The following GPR158 variants were observed in gnomAD, a reference collection of about 807,000 sequenced individuals.
GPR158 encodes G protein-coupled receptor 158.
A neutral mutation model predicts 78.2 loss-of-function variants in GPR158; 30 were observed. The ratio of observed to expected loss-of-function variants is 0.38; its 90% CI spans 0.29 to 0.52. The LOEUF is 0.52. Among genes scored for constraint, GPR158 ranks in the 20% least tolerant of loss-of-function variants. GPR158 has a pLI of 0.83. For synonymous variants in GPR158, 581 were observed against 591.1 expected (o/e 0.98, Z 0.25); for missense variants, 1,463 against 1,523.5 (o/e 0.96, Z 0.66).
chr10:25,556,400 T>C (rs1414052), intron 6 of GPR158, among the ~76,000 whole-genome samples: 87,078 of 151,986 alleles, frequency 0.57, 26,986 homozygotes, highest in African/African-American at 0.82. Flanking sequence ...ATAAAGCATC[T>C]TTTGAACATG....
chr10:25,269,164 T>C (rs1036944287), intron 2 of GPR158, among the ~76,000 whole-genome samples: 7 of 152,222 alleles, frequency 4.6e-5, no homozygotes, highest in Non-Finnish European at 7.3e-5. Context: ...TAAATCGTAT[T>C]AATTAATTGA....
chr10:25,253,844 C>G (rs1003662333), intron 2 of GPR158, among the ~76,000 whole-genome samples: 2 of 152,136 alleles, frequency 1.3e-5, no homozygotes, highest in African/African-American at 4.8e-5. Flanking sequence ...ACAAAACCAG[C>G]AAACCAAATA....
intron 5 of GPR158, 43 bp from the exon 6 acceptor site, chr10:25,550,933 C>G: frequency 1.0e-6 from 1 of 967,870 alleles, no homozygotes; most frequent in Non-Finnish European, 1.7e-6. Context: ...GTCTGTGGGT[C>G]ATCAGTTGAT....
intron 7 of GPR158, among the ~76,000 whole-genome samples, chr10:25,581,728 A>C (rs1837202009): frequency 6.6e-6 from 1 of 152,202 alleles, no homozygotes; most frequent in Non-Finnish European, 1.5e-5. Flanking sequence ...ATCACTAGTC[A>C]AAGCTACCAG....
At chr10:25,302,158 G>A (rs1331424976) in intron 2 of GPR158, among the ~76,000 whole-genome samples, 1 of 96,314 alleles carries the variant, frequency 1.0e-5, no homozygotes, top group African/African-American at 9.1e-5. Flanking sequence ...TGCAAGCTCC[G>A]CCTCCCAGGT....
At chr10:25,193,027 T>G (rs1386012513) in intron 1 of GPR158, among the ~76,000 whole-genome samples, 1 of 152,132 alleles carries the variant, frequency 6.6e-6, no homozygotes, top group African/African-American at 2.4e-5. Flanking sequence ...CATTTTCAAT[T>G]TACGTATTTT....
chr10:25,200,643 A>G (rs1262932547), intron 1 of GPR158, among the ~76,000 whole-genome samples: 2 of 152,070 alleles, frequency 1.3e-5, no homozygotes, highest in Non-Finnish European at 2.9e-5. Context: ...AGGTTTTACA[A>G]GTCTTTACTG....
At chr10:25,293,577 G>A (rs1376756142) in intron 2 of GPR158, among the ~76,000 whole-genome samples, 1 of 152,118 alleles carries the variant, frequency 6.6e-6, no homozygotes, top group Non-Finnish European at 1.5e-5. Context: ...CCAGGTTTTT[G>A]TAGACCCAAT....
At chr10:25,547,585 C>G (rs1391933449) in intron 5 of GPR158, among the ~76,000 whole-genome samples, 2 of 152,100 alleles carry the variant, frequency 1.3e-5, no homozygotes, top group Non-Finnish European at 2.9e-5. Context: ...AGTAATTTCC[C>G]TTTCCTCTGA....
intron 7 of GPR158, among the ~76,000 whole-genome samples, chr10:25,580,643 A>G (rs1837178603): frequency 6.6e-6 from 1 of 152,216 alleles, no homozygotes; most frequent in African/African-American, 2.4e-5. Flanking sequence ...CTTTAGATTC[A>G]TTACATACAT....
At chr10:25,224,111 A>G (rs1853339732) in intron 2 of GPR158, among the ~76,000 whole-genome samples, 1 of 152,212 alleles carries the variant, frequency 6.6e-6, no homozygotes, top group South Asian at 2.1e-4. Context: ...CTAGGAGGCC[A>G]CTAAGCATTT....
At chr10:25,209,716 C>T (rs191090699) in intron 1 of GPR158, among the ~76,000 whole-genome samples, 1 of 152,328 alleles carries the variant, frequency 6.6e-6, no homozygotes, top group Non-Finnish European at 1.5e-5. Context: ...TTTGTTTACT[C>T]AGTGGCTTGT....
At chr10:25,241,169 CT>C (rs1564399329) in intron 2 of GPR158, among the ~76,000 whole-genome samples, 2 of 110,128 alleles carry the variant, frequency 1.8e-5, no homozygotes, top group African/African-American at 3.9e-5. Context: ...TTCTTTCTTT[CT>C]TTCTTTCTTT....
intron 4 of GPR158, among the ~76,000 whole-genome samples, chr10:25,425,717 C>A (rs1834811577): frequency 2.0e-5 from 3 of 151,584 alleles, no homozygotes; most frequent in Non-Finnish European, 2.9e-5. Context: ...ACAAACAATC[C>A]CATTTTATGG....
intron 2 of GPR158, among the ~76,000 whole-genome samples, chr10:25,272,385 A>T (rs1011261245): frequency 1.3e-5 from 2 of 152,100 alleles, no homozygotes; most frequent in Non-Finnish European, 2.9e-5. Flanking sequence ...TAATGTGCTC[A>T]CTTCTCTGGT....
rs1317877102 is a variant in GPR158, at chr10:25,175,340, T to G, written c.-81T>G. ...AGGGGGAAGACTCCTCGAAAAAGTC[T>G]GACTGTTGAGAAACTGACGATCCAA... On this transcript the variant is annotated 5_prime_UTR_variant, in exon 1 of 11. Coordinates refer to ENST00000376351, the MANE Select transcript of GPR158 (RefSeq NM_020752.3). This position sits in a 1 kb window ranked among gnomAD's most constrained non-coding sequence, Gnocchi z 6.4. The G allele has an allele frequency of 1.2e-6, 1 of 822,484 alleles. No homozygotes were observed. Among genetic ancestry groups the G allele is most frequent in the African/African-American group, 1.8e-5 (1 of 54,688 alleles). 50.9% of individuals were successfully genotyped at this position (822,484 alleles called of 1,614,324 possible).
At chr10:25,288,259 C>G (rs1854381588) in intron 2 of GPR158, among the ~76,000 whole-genome samples, 1 of 152,136 alleles carries the variant, frequency 6.6e-6, no homozygotes, top group South Asian at 2.1e-4. Context: ...TGTTTTTAAT[C>G]AGCTTTATCA....
chr10:25,253,343 A>G (rs562918983), intron 2 of GPR158, among the ~76,000 whole-genome samples: 13 of 152,114 alleles, frequency 8.5e-5, no homozygotes, highest in East Asian at 7.8e-4. Flanking sequence ...CCTCCCCCCA[A>G]TTTATTCTTT....
At chr10:25,256,698 A>G (rs1339122246) in intron 2 of GPR158, among the ~76,000 whole-genome samples, 3 of 152,018 alleles carry the variant, frequency 2.0e-5, no homozygotes, top group Non-Finnish European at 4.4e-5. Flanking sequence ...CAATAAAAAT[A>G]AAATAAAATA....
Sources: allele counts gnomAD v4.1 joint callset (sites outside exome capture counted in the v4.1 genomes callset), GRCh38; gene constraint gnomAD v4.1.1; non-coding constraint Gnocchi (gnomAD v3.1); transcripts MANE v1.5; gene names NCBI Gene and HGNC (gene_info 2026-07-23, HGNC 2026-07-21).